R3HDM1: variants seen among roughly 807,000 people sequenced by gnomAD.
R3HDM1 encodes R3H domain-containing protein 1.
R3HDM1 carries 46 observed loss-of-function variants against 141.1 expected under a neutral mutation model. That is an observed-to-expected ratio of 0.33 (90% CI 0.26 to 0.42). The LOEUF (loss-of-function observed/expected upper bound fraction) is 0.42, where lower values mean the gene tolerates loss of function less well. Among genes scored for constraint, R3HDM1 ranks in the 10% least tolerant of loss-of-function variants. The pLI is 1.00. For synonymous variants in R3HDM1, 435 were observed against 472.9 expected (o/e 0.92, Z 1.04); for missense variants, 1,184 against 1,368.3 (o/e 0.87, Z 2.12).
At chr2:135,638,475 C>G in intron 11 of R3HDM1, 143 bp from the exon 12 acceptor site, 2 of 780,788 alleles carry the variant, frequency 2.6e-6, no homozygotes, top group East Asian at 5.4e-5. Context: ...AAAAAAAATT[C>G]CATTATTATT....
At chr2:135,545,263 G>C (rs1248253167) in intron 1 of R3HDM1, among the ~76,000 whole-genome samples, 1 of 152,176 alleles carries the variant, frequency 6.6e-6, no homozygotes, top group Non-Finnish European at 1.5e-5. Flanking sequence ...CCTATATAAA[G>C]CAGAGAGTAC....
intron 2 of R3HDM1, among the ~76,000 whole-genome samples, chr2:135,603,136 C>T (rs57728621): frequency 0.044 from 6,749 of 152,096 alleles, 504 homozygotes; most frequent in African/African-American, 0.16. Flanking sequence ...CTTGCAGGCA[C>T]GTGCTACCAT....
intron 21 of R3HDM1, among the ~76,000 whole-genome samples, chr2:135,682,966 C>T (rs758698630): frequency 1.8e-4 from 28 of 152,062 alleles, no homozygotes; most frequent in Non-Finnish European, 3.4e-4. Flanking sequence ...CACAGCACTT[C>T]AGCCTGGGCA....
At chr2:135,639,962 A>C (rs533092313) in intron 14 of R3HDM1, among the ~76,000 whole-genome samples, 197 of 152,170 alleles carry the variant, frequency 1.3e-3, no homozygotes, top group South Asian at 2.9e-3. Flanking sequence ...AGCTGGGCGT[A>C]ATAGCACGTG....
chr2:135,612,395 T>C lies in R3HDM1; in HGVS notation c.172-3757T>C, dbSNP rs187395915. 3.5e-4 allele frequency among the ~76,000 whole-genome samples: 54 copies of C among 152,288 alleles called. No homozygotes were observed. In the East Asian group the frequency reaches 7.3e-3, roughly 21 times the overall value. On this transcript the variant is annotated intron_variant, in intron 3 of 26. Transcript: ENST00000683871. ...AATTACAAAGAGAAAATTATTCCTA[T>C]TTTTTAAATGTCAGATTTTCTTAGT...
At chr2:135,545,468 G>C (rs1698494747) in intron 1 of R3HDM1, among the ~76,000 whole-genome samples, 1 of 152,098 alleles carries the variant, frequency 6.6e-6, no homozygotes, top group African/African-American at 2.4e-5. Context: ...GCAAACACTT[G>C]AATGAAATGA....
At chr2:135,704,274 C>T (rs1436291365) in intron 21 of R3HDM1, among the ~76,000 whole-genome samples, 1 of 152,194 alleles carries the variant, frequency 6.6e-6, no homozygotes, top group Non-Finnish European at 1.5e-5. Context: ...GCCGCCACAC[C>T]CGGCTGAACT....
intron 3 of R3HDM1, among the ~76,000 whole-genome samples, chr2:135,614,037 T>A (rs2060788795): frequency 6.6e-6 from 1 of 152,232 alleles, no homozygotes; most frequent in African/African-American, 2.4e-5. Context: ...GACTGTGAGG[T>A]CTTTAAGACC....
rs140059461 is a variant in R3HDM1 at position 135,711,827 on chromosome 2, C to T, written c.2736+1596C>T. 3.3e-3 allele frequency among the ~76,000 whole-genome samples: 506 copies of T among 151,898 alleles called. 1 individual carries two copies. Among genetic ancestry groups the T allele is most frequent in the African/African-American group, 0.011 (465 of 41,452 alleles). On this transcript the variant is annotated intron_variant, in intron 23 of 26. Transcript: ENST00000683871. The stretch of plus-strand genomic sequence containing the variant: ...TACAAAACTTAGCTGGACGTGGTGG[C>T]GGGCACCTGTAATCTCAGCTACTCA...
chr2:135,669,128 T>G (rs2067948950), intron 19 of R3HDM1: 1 of 982,946 alleles, frequency 1.0e-6, no homozygotes, highest in Non-Finnish European at 1.2e-6. Context: ...TAATACAATT[T>G]ATGCGTATAA....
At chr2:135,549,215 A>C (rs540026325) in intron 1 of R3HDM1, among the ~76,000 whole-genome samples, 2 of 152,296 alleles carry the variant, frequency 1.3e-5, no homozygotes, top group African/African-American at 4.8e-5. Context: ...AATTTTAAAG[A>C]ACACATATTG....
intron 1 of R3HDM1, among the ~76,000 whole-genome samples, chr2:135,536,282 A>G (rs1052099012): frequency 2.6e-5 from 4 of 152,142 alleles, no homozygotes; most frequent in African/African-American, 9.7e-5. Context: ...TACGACTACA[A>G]ACTTGTCACT....
intron 7 of R3HDM1, among the ~76,000 whole-genome samples, chr2:135,630,321 G>GAAAAAAAAAAAAA (rs2062583148): frequency 1.9e-5 from 2 of 103,656 alleles, no homozygotes; most frequent in African/African-American, 9.9e-5. Flanking sequence ...AAAAAAAAAC[G>GAAAAAAAAAAAAA]AGATTCTCAT....
Position 135,724,076 on chromosome 2 carries a change from C to T in R3HDM1, c.3189C>T (p.His1063=), listed in dbSNP as rs777304949. 1.9e-6 allele frequency: 3 copies of T among 1,614,116 alleles called. No homozygotes were observed. Among genetic ancestry groups the T allele is most frequent in the Non-Finnish European group, 2.5e-6 (3 of 1,179,994 alleles). ...ACCCCCAGTCCCAACCACGTCGTCA[C>T]CCCCTCTGCTGTGGCAGTGGGGACA... ...LRDPQSQPRR[H]PLCCGSGDNT... The change falls in exon 27 of 27, where the codon CAC becomes CAT. Residue 1063 remains histidine, a synonymous_variant. Coordinates refer to ENST00000683871, the MANE Select transcript of R3HDM1 (RefSeq NM_001378107.1).
At chr2:135,648,793 A>C (rs1246233087) in intron 16 of R3HDM1, among the ~76,000 whole-genome samples, 4 of 151,130 alleles carry the variant, frequency 2.6e-5, no homozygotes, top group Non-Finnish European at 5.9e-5. Context: ...AAAAAAAAAA[A>C]CACCTGTGTT....
chr2:135,535,937 T>A (rs182157703), intron 1 of R3HDM1, among the ~76,000 whole-genome samples: 1 of 152,258 alleles, frequency 6.6e-6, no homozygotes, highest in East Asian at 1.9e-4. Flanking sequence ...ATCTTTACTA[T>A]TTTCCCTCAT....
intron 5 of R3HDM1, among the ~76,000 whole-genome samples, chr2:135,619,933 C>T (rs2061388680): frequency 6.6e-6 from 1 of 152,004 alleles, no homozygotes; most frequent in African/African-American, 2.4e-5. Context: ...GCTATTATTC[C>T]AGTTATTTAT....
chr2:135,674,273 G>C (rs566801888), intron 19 of R3HDM1, among the ~76,000 whole-genome samples: 36 of 152,180 alleles, frequency 2.4e-4, no homozygotes, highest in Non-Finnish European at 4.3e-4. Flanking sequence ...TTAGGAATTA[G>C]TGAGGATATA....
intron 1 of R3HDM1, among the ~76,000 whole-genome samples, chr2:135,577,859 A>G (rs1705845589): frequency 6.7e-6 from 1 of 148,346 alleles, no homozygotes; most frequent in Admixed American, 6.7e-5. Flanking sequence ...AAAAAAAAAA[A>G]GTGAAACAGC....
Sources: gnomAD v4.1 joint callset for allele counts (sites outside exome capture counted in the v4.1 genomes callset) on GRCh38, gnomAD v4.1.1 for gene constraint, MANE v1.5 for transcripts, NCBI Gene and HGNC (gene_info 2026-07-23, HGNC 2026-07-21) for gene names.